PTPRG: variants seen among roughly 807,000 people sequenced by gnomAD.
PTPRG encodes the protein protein tyrosine phosphatase receptor type G, also known as receptor-type tyrosine-protein phosphatase gamma.
In PTPRG, 102 loss-of-function variants were observed where a neutral mutation model predicts 165.3. That is an observed-to-expected ratio of 0.62 (90% confidence interval 0.53 to 0.73). The LOEUF (loss-of-function observed/expected upper bound fraction) is 0.73, where lower values mean the gene tolerates loss of function less well. Among genes scored for constraint, PTPRG ranks in the 30% least tolerant of loss-of-function variants. The pLI is 0.00. For synonymous variants in PTPRG, 675 were observed against 669.5 expected (o/e 1.01, Z -0.13); for missense variants, 1,866 against 1,861.4 (o/e 1.00, Z -0.05).
At chr3:61,874,599 A>G (rs986514769) in intron 2 of PTPRG, among the ~76,000 whole-genome samples, 1 of 152,058 alleles carries the variant, frequency 6.6e-6, no homozygotes, top group African/African-American at 2.4e-5. Context: ...GTTGATTCCC[A>G]GCCAGGAATG....
At chr3:61,831,138 T>C (rs1480004745) in intron 2 of PTPRG, among the ~76,000 whole-genome samples, 1 of 152,220 alleles carries the variant, frequency 6.6e-6, no homozygotes, top group Non-Finnish European at 1.5e-5. Context: ...ATCTCACTGA[T>C]AAAAAGATAC....
intron 2 of PTPRG, among the ~76,000 whole-genome samples, chr3:61,924,011 A>T (rs1031100111): frequency 6.6e-6 from 1 of 152,202 alleles, no homozygotes; most frequent in Middle Eastern, 3.2e-3. Flanking sequence ...AGGTTTCTTT[A>T]AGATATCCTG....
intron 1 of PTPRG, among the ~76,000 whole-genome samples, chr3:61,585,005 G>A (rs1700398117): frequency 6.6e-6 from 1 of 152,174 alleles, no homozygotes; most frequent in African/African-American, 2.4e-5. Context: ...ATTCAGCTGG[G>A]TGTGGTGGTT....
At position 62,195,781 on chromosome 3, in the gene PTPRG, G is replaced by C. The variant is rs73098564; in HGVS notation, c.1327+611G>C. Among the ~76,000 whole-genome samples, 1 of 151,964 alleles carries C rather than the reference G, an allele frequency of 6.6e-6. No homozygotes were observed. Among genetic ancestry groups the C allele is most frequent in the Non-Finnish European group, 1.5e-5 (1 of 67,980 alleles). On this transcript the variant is annotated intron_variant, in intron 10 of 29. Transcript: ENST00000474889. This position sits in a 1 kb window ranked among gnomAD's most constrained non-coding sequence, Gnocchi z 4.4. ...AGTGACCAAGAGACATAACATTTTA[G>C]TGGGATTTTTTTTGTTTGTTTGTTT...
intron 5 of PTPRG, among the ~76,000 whole-genome samples, chr3:62,098,083 G>GA (rs1702175323): frequency 6.6e-6 from 1 of 151,982 alleles, no homozygotes; most frequent in Non-Finnish European, 1.5e-5. Flanking sequence ...ACTGATAAAA[G>GA]AATTAGAAAA....
intron 2 of PTPRG, among the ~76,000 whole-genome samples, chr3:61,983,755 A>G (rs1310970016): frequency 6.6e-6 from 1 of 152,180 alleles, no homozygotes; most frequent in East Asian, 1.9e-4. Flanking sequence ...TTAACAGAGA[A>G]CTATACTGAA....
intron 2 of PTPRG, among the ~76,000 whole-genome samples, chr3:61,789,575 G>T (rs79829067): frequency 1.3e-5 from 2 of 152,284 alleles, no homozygotes; most frequent in East Asian, 3.9e-4. Flanking sequence ...CAAAAATAAC[G>T]TATTCCTCCC....
intron 4 of PTPRG, among the ~76,000 whole-genome samples, chr3:62,063,717 A>G (rs570948468): frequency 1.3e-4 from 20 of 152,220 alleles, no homozygotes; most frequent in Non-Finnish European, 4.4e-5. Flanking sequence ...TGCCCAGGCT[A>G]GTCTTGAACT....
At chr3:62,174,746 AT>A (rs1413232602) in intron 8 of PTPRG, among the ~76,000 whole-genome samples, 1 of 152,234 alleles carries the variant, frequency 6.6e-6, no homozygotes, top group Non-Finnish European at 1.5e-5. Flanking sequence ...TACTCACCAG[AT>A]TAATGAGCTT....
chr3:61,768,186 A>G (rs1045620641), intron 2 of PTPRG, among the ~76,000 whole-genome samples: 8 of 152,290 alleles, frequency 5.3e-5, no homozygotes, highest in African/African-American at 1.9e-4. Context: ...TTATTCATCA[A>G]AAAGCCACTA....
intron 1 of PTPRG, among the ~76,000 whole-genome samples, chr3:61,604,104 G>C (rs1347157580): frequency 6.6e-6 from 1 of 152,142 alleles, no homozygotes; most frequent in Non-Finnish European, 1.5e-5. Flanking sequence ...GTGGCAGATC[G>C]CTTGAGGCTA....
chr3:61,726,819 G>A (rs1459505318), intron 1 of PTPRG, among the ~76,000 whole-genome samples: 2 of 152,074 alleles, frequency 1.3e-5, no homozygotes, highest in Non-Finnish European at 1.5e-5. Context: ...AGGCCGAGGC[G>A]GGCGGATCAC....
At chr3:61,736,046 T>G (rs1464605158) in intron 1 of PTPRG, among the ~76,000 whole-genome samples, 1 of 151,928 alleles carries the variant, frequency 6.6e-6, no homozygotes, top group Non-Finnish European at 1.5e-5. Flanking sequence ...TAGCTGGGAC[T>G]ACAGGCGCAG....
At chr3:61,652,815 G>A (rs1702392700) in intron 1 of PTPRG, among the ~76,000 whole-genome samples, 1 of 152,168 alleles carries the variant, frequency 6.6e-6, no homozygotes, top group Admixed American at 6.5e-5. Flanking sequence ...GAACATCCAG[G>A]GGTAGTCAAA....
intron 6 of PTPRG, among the ~76,000 whole-genome samples, chr3:62,146,870 C>A (rs748075962): frequency 6.6e-6 from 1 of 152,170 alleles, no homozygotes; most frequent in Non-Finnish European, 1.5e-5. Flanking sequence ...GCCCATGTAC[C>A]ATAGTTTGCC....
intron 1 of PTPRG, among the ~76,000 whole-genome samples, chr3:61,591,968 G>A (rs1343114268): frequency 2.0e-5 from 3 of 151,762 alleles, no homozygotes; most frequent in Non-Finnish European, 4.4e-5. Context: ...TCCACACAGT[G>A]GAGTGCTAAT....
intron 4 of PTPRG, among the ~76,000 whole-genome samples, chr3:62,029,109 G>C (rs187791468): frequency 1.3e-5 from 2 of 152,100 alleles, no homozygotes; most frequent in Non-Finnish European, 2.9e-5. Flanking sequence ...ACTCCCTAGC[G>C]TGTGTGAGTG....
At chr3:62,024,529 C>T (rs1418409311) in intron 4 of PTPRG, among the ~76,000 whole-genome samples, 3 of 152,188 alleles carry the variant, frequency 2.0e-5, no homozygotes, top group Admixed American at 2.0e-4. Context: ...GCCTGCACTT[C>T]CTGTATTTAA....
At chr3:61,740,814 G>T (rs1302713887) in intron 1 of PTPRG, among the ~76,000 whole-genome samples, 1 of 152,028 alleles carries the variant, frequency 6.6e-6, no homozygotes, top group Non-Finnish European at 1.5e-5. Flanking sequence ...ACTTTTTATA[G>T]TTGAAACAGT....
Sources: allele counts gnomAD v4.1 joint callset (sites outside exome capture counted in the v4.1 genomes callset), GRCh38; gene constraint gnomAD v4.1.1; non-coding constraint Gnocchi (gnomAD v3.1); transcripts MANE v1.5; gene names NCBI Gene and HGNC (gene_info 2026-07-23, HGNC 2026-07-21).